The following VDR variants were observed in gnomAD, a reference collection of about 807,000 sequenced individuals.
VDR encodes vitamin D receptor.
In VDR, 19 loss-of-function variants were observed where a neutral mutation model predicts 39.7. The observed-to-expected ratio is 0.48, with a 90% CI of 0.33 to 0.70. The LOEUF (loss-of-function observed/expected upper bound fraction) is 0.70, where lower values mean the gene tolerates loss of function less well. Ranked by LOEUF, VDR falls within the 30% of genes least tolerant of loss-of-function variation. The pLI is 0.02. For synonymous variants in VDR, 242 were observed against 215.8 expected, an observed-to-expected ratio of 1.12 and a Z score of -1.07; for missense variants, 442 against 570.5, an observed-to-expected ratio of 0.77 and a Z score of 2.29.
chr12:47,869,995 A>T (rs1945818995), intron 3 of VDR, among the ~76,000 whole-genome samples: 1 of 152,232 alleles, frequency 6.6e-6, no homozygotes, highest in Non-Finnish European at 1.5e-5. Flanking sequence ...GAGAACACTG[A>T]AAAGGAAGAG....
chr12:47,868,609 G>A (rs1186891309), intron 3 of VDR, among the ~76,000 whole-genome samples: 1 of 152,160 alleles, frequency 6.6e-6, no homozygotes, highest in African/African-American at 2.4e-5. Flanking sequence ...AGGGACATCT[G>A]TATGTTCCAG....
chr12:47,879,190 C>T (rs944632352), intron 2 of VDR, 75 bp from the exon 3 acceptor site: 11 of 1,539,880 alleles, frequency 7.1e-6, no homozygotes, highest in East Asian at 4.6e-5. Context: ...TGGTGCCACC[C>T]ACCCCCAGCC....
At chr12:47,851,775 G>C (rs909282034) in intron 7 of VDR, among the ~76,000 whole-genome samples, 9 of 152,310 alleles carry the variant, frequency 5.9e-5, no homozygotes, top group African/African-American at 2.2e-4. Context: ...CATTTTCATT[G>C]GCATACCTTC....
chr12:47,860,008 GC>G lies in VDR; in HGVS notation c.278-2321del, dbSNP rs575884347. 1.6e-3 allele frequency among the ~76,000 whole-genome samples: 231 copies of G among 147,944 alleles called. 1 individual carries two copies. Among genetic ancestry groups the G allele is most frequent in the Admixed American group, 5.0e-3 (72 of 14,464 alleles). ...CACAGACTCTCGCTCTATTATCCAGGCTGGAGTGCAGTGGCACCACCTCGGC... is the reference window on the plus strand; with the variant it reads ...CACAGACTCTCGCTCTATTATCCAGGTGGAGTGCAGTGGCACCACCTCGGC... On this transcript the variant is annotated intron_variant, in intron 4 of 9. Transcript: ENST00000549336.
chr12:47,896,347 G>T (rs927187119), intron 1 of VDR, among the ~76,000 whole-genome samples: 4 of 152,134 alleles, frequency 2.6e-5, no homozygotes, highest in Admixed American at 2.6e-4. Context: ...TCTTGCTCAG[G>T]CACCTGGTCT....
chr12:47,878,493 G>A (rs1015802456), intron 3 of VDR, among the ~76,000 whole-genome samples: 5 of 152,208 alleles, frequency 3.3e-5, no homozygotes, highest in African/African-American at 9.7e-5. Context: ...GTGAAGATAT[G>A]GGTACAGATC....
At position 47,879,116 on chromosome 12, in the gene VDR, C is replaced by T; in HGVS notation, c.-2-1G>A. ...GTGCTGGCCGCCATTGCCTCCATCCCTGTAAGAACAGCAAGCAGGCCACGG... is the reference window on the plus strand; with the variant it reads ...GTGCTGGCCGCCATTGCCTCCATCCTTGTAAGAACAGCAAGCAGGCCACGG... On this transcript the variant is annotated splice_acceptor_variant, in intron 2 of 9. Coordinates refer to ENST00000549336, the MANE Select transcript of VDR (RefSeq NM_000376.3). LOFTEE classifies it low-confidence loss of function (5UTR_SPLICE). 1.2e-6 allele frequency: 2 copies of T among 1,613,740 alleles called. No individual in the cohort carries two copies. Among genetic ancestry groups the T allele is most frequent in the Non-Finnish European group, 1.7e-6 (2 of 1,179,806 alleles).
rs1355719451 is a variant in VDR, at chr12:47,857,217, G to T, written c.495C>A (p.Ser165Arg). 1 of 1,614,054 alleles carries T rather than the reference G, an allele frequency of 6.2e-7. No homozygotes were observed. The highest frequency in any genetic ancestry group is 8.5e-7 in the Non-Finnish European group (1 of 1,180,032). The change falls in exon 6 of 10, where the codon AGC becomes AGA. Residue 165 changes from serine (S) to arginine (R), a missense_variant. By Grantham distance (110) the Ser-to-Arg change is moderately radical. This residue lies in a region of VDR where 77 missense variants were observed against 67.4 expected (regional missense o/e 1.14). Transcript: ENST00000549336. ...GTCTGGAGTTGGGCCTGGAAGGATG[G>T]CTCCCTCCACCATCATTCACACGAA... ...PPVRVNDGGG[S>R]HPSRPNSRHT...
At chr12:47,849,004 A>G (rs1945334046) in intron 7 of VDR, among the ~76,000 whole-genome samples, 1 of 152,206 alleles carries the variant, frequency 6.6e-6, no homozygotes, top group Non-Finnish European at 1.5e-5. Context: ...TGAGAGGCCA[A>G]TGACTAGTTC....
chr12:47,885,575 A>G (rs1297075548), intron 1 of VDR, among the ~76,000 whole-genome samples: 3 of 152,232 alleles, frequency 2.0e-5, no homozygotes, highest in Non-Finnish European at 4.4e-5. Context: ...GACCCTCCTA[A>G]GGGTGGTAAA....
chr12:47,877,765 A>G (rs973841950), intron 3 of VDR, among the ~76,000 whole-genome samples: 5 of 152,336 alleles, frequency 3.3e-5, no homozygotes, highest in African/African-American at 7.2e-5. Flanking sequence ...TGGCAAATGC[A>G]GCAACACGAC....
intron 4 of VDR, among the ~76,000 whole-genome samples, chr12:47,859,946 T>A (rs1228828629): frequency 7.1e-6 from 1 of 141,144 alleles, no homozygotes; most frequent in East Asian, 2.0e-4. Context: ...TTTCTTTCTT[T>A]CTTTCTTTCT....
intron 1 of VDR, among the ~76,000 whole-genome samples, chr12:47,885,702 T>C (rs1946239819): frequency 6.6e-6 from 1 of 152,210 alleles, no homozygotes; most frequent in Non-Finnish European, 1.5e-5. Context: ...AGCACTATTT[T>C]TTTTTCTTTT....
At chr12:47,862,474 A>T (rs1453303328) in intron 4 of VDR, among the ~76,000 whole-genome samples, 1 of 152,272 alleles carries the variant, frequency 6.6e-6, no homozygotes, top group Non-Finnish European at 1.5e-5. Flanking sequence ...TTCCTCAGCT[A>T]TTGAAAAAAT....
At chr12:47,847,399 G>A (rs1182186596) in intron 7 of VDR, among the ~76,000 whole-genome samples, 4 of 152,032 alleles carry the variant, frequency 2.6e-5, no homozygotes. Context: ...GCAGGTCAAT[G>A]TCCTCTTGCA....
rs779155867 is a variant in VDR at position 47,846,870 on chromosome 12, A to T, written c.756-62T>A. The T allele has an allele frequency of 3.8e-6, 6 of 1,597,294 alleles. No homozygotes were observed. In the South Asian group the frequency reaches 6.6e-5, roughly 18 times the overall value. The stretch of plus-strand genomic sequence containing the variant: ...TAAACGCCTTCAAGCCACACAAATC[A>T]GTTTAGTGCTTTGACAGGTATACAC... On this transcript the variant is annotated intron_variant, in intron 7 of 9. Coordinates refer to ENST00000549336, the MANE Select transcript of VDR (RefSeq NM_000376.3).
chr12:47,893,391 A>T (rs946571923), intron 1 of VDR, among the ~76,000 whole-genome samples: 1 of 152,184 alleles, frequency 6.6e-6, no homozygotes, highest in South Asian at 2.1e-4. Context: ...CCCTGAGAAG[A>T]ATAGGACCAT....
In VDR at chr12:47,855,037, A is replaced by T. The variant is rs11574095; in HGVS notation, c.755+593T>A. On this transcript the variant is annotated intron_variant, in intron 7 of 9. Transcript: ENST00000549336. ...GCGAAACTCCGTCTCTACTAAAAAT[A>T]AAAAAATTAGGGCAGGGCGCGATGG... Among the ~76,000 whole-genome samples, 1,030 of 152,216 alleles carry T rather than the reference A, an allele frequency of 6.8e-3. 18 individuals are homozygous for T. The highest frequency in any genetic ancestry group is 0.024 in the African/African-American group (981 of 41,546).
chr12:47,882,939 G>A lies in VDR; in HGVS notation c.-83-165C>T, dbSNP rs1318329916. On this transcript the variant is annotated intron_variant, in intron 1 of 9. Coordinates refer to ENST00000549336, the MANE Select transcript of VDR (RefSeq NM_000376.3). ...GGAGCAGGCATGCCATGTCATCGCTGGCAGGGGTGTGGGGGTGGCGGCTGG... is the reference window on the plus strand; with the variant it reads ...GGAGCAGGCATGCCATGTCATCGCTAGCAGGGGTGTGGGGGTGGCGGCTGG... 7.0e-6 allele frequency: 4 copies of A among 568,576 alleles called. No homozygotes were observed. The Admixed American group carries it at 1.4e-4, about 20-fold the overall frequency. 35.2% of individuals were successfully genotyped at this position (568,576 alleles called of 1,614,324 possible). A position where few individuals can be genotyped will look rare whatever the true frequency, so the allele number is the denominator to read the frequency against.
Sources: allele counts gnomAD v4.1 joint callset (sites outside exome capture counted in the v4.1 genomes callset), GRCh38; gene constraint gnomAD v4.1.1; regional missense constraint gnomAD v4.1.1; transcripts MANE v1.5; gene names NCBI Gene and HGNC (gene_info 2026-07-23, HGNC 2026-07-21).